MPP7: variants seen among roughly 807,000 people sequenced by gnomAD.
MPP7 encodes the protein MAGUK p55 subfamily member 7.
MPP7 carries 60 observed loss-of-function variants against 76.5 expected under a neutral mutation model. The observed-to-expected ratio is 0.78, with a 90% confidence interval of 0.64 to 0.97. The LOEUF (loss-of-function observed/expected upper bound fraction) is 0.97, where lower values mean the gene tolerates loss of function less well. MPP7 is among the 50% of genes least tolerant of loss of function. The pLI is 0.00. For missense variants in MPP7, 641 were observed against 694.0 expected (o/e 0.92, Z 0.86); for synonymous variants, 237 against 244.5 (o/e 0.97, Z 0.29).
chr10:28,226,029 T>C (rs1838676919), intron 2 of MPP7, among the ~76,000 whole-genome samples: 2 of 152,140 alleles, frequency 1.3e-5, no homozygotes, highest in African/African-American at 4.8e-5. Context: ...ATGCAGTATA[T>C]ACATACAATG....
At chr10:28,328,840 C>T (rs922280015) in intron 2 of MPP7, among the ~76,000 whole-genome samples, 4 of 152,142 alleles carry the variant, frequency 2.6e-5, no homozygotes, top group Admixed American at 6.5e-5. Context: ...ACATATTAAA[C>T]TTTTCTACAT....
intron 1 of MPP7, among the ~76,000 whole-genome samples, chr10:28,272,205 C>A (rs1289703025): frequency 6.6e-6 from 1 of 152,110 alleles, no homozygotes; most frequent in African/African-American, 2.4e-5. Context: ...CCATCTTCAG[C>A]CAAACTAAAA....
At position 28,053,997 on chromosome 10, in the gene MPP7, C is replaced by T; in HGVS notation, c.*68G>A. On this transcript the variant is annotated 3_prime_UTR_variant, in exon 17 of 17. Transcript: ENST00000683449. Reference sequence around the variant, plus strand: ...CAGTGATATAGATTTAAAAACCCTACTACCAAAACTGTAATTGATTTCATC... The same window carrying T: ...CAGTGATATAGATTTAAAAACCCTATTACCAAAACTGTAATTGATTTCATC... The T allele has an allele frequency of 1.6e-6, 2 of 1,216,324 alleles. No individual in the cohort carries two copies. The highest frequency in any genetic ancestry group is 1.3e-5 in the South Asian group (1 of 77,182). The allele number at this position is 1,216,324 out of a possible 1,614,324, so 75.3% of individuals were successfully genotyped here.
At chr10:28,112,904 G>C (rs7894841) in intron 11 of MPP7, among the ~76,000 whole-genome samples, 139,389 of 152,242 alleles carry the variant, frequency 0.92, 63,931 homozygotes, top group African/African-American at 0.97. Context: ...CATTGTGAAT[G>C]CAGGCTTAAC....
upstream of MPP7, among the ~76,000 whole-genome samples, chr10:28,335,135 C>T (rs1834505797): frequency 6.6e-6 from 1 of 152,248 alleles, no homozygotes; most frequent in African/African-American, 2.4e-5. Context: ...ACTGAACTCT[C>T]CACAGAGCTG....
intron 11 of MPP7, chr10:28,118,324 A>T: frequency 2.0e-6 from 2 of 978,224 alleles, no homozygotes; most frequent in Non-Finnish European, 2.4e-6. Flanking sequence ...ATTTTCAATC[A>T]ATGAAAATTT....
At chr10:28,282,977 C>T (rs571511832) in intron 1 of MPP7, among the ~76,000 whole-genome samples, 8 of 151,978 alleles carry the variant, frequency 5.3e-5, no homozygotes, top group Admixed American at 1.3e-4. Flanking sequence ...GTGTCAGTTG[C>T]GCACAGTGGA....
Position 28,233,274 on chromosome 10 carries a change from T to C in MPP7, c.37+5294A>G, listed in dbSNP as rs202105315. Among the ~76,000 whole-genome samples the C allele has an allele frequency of 9.8e-5, 15 of 152,308 alleles. No individual in the cohort carries two copies. In the East Asian group the frequency reaches 2.7e-3, roughly 27 times the overall value. The stretch of plus-strand genomic sequence containing the variant: ...TTGCTAAGGATTAGAGTTGAAAACA[T>C]CAATGAGAACTCATATTTAGTTTAG... On this transcript the variant is annotated intron_variant, in intron 2 of 16. Transcript: ENST00000683449.
At chr10:28,177,290 C>T (rs983590126) in intron 3 of MPP7, among the ~76,000 whole-genome samples, 9 of 147,182 alleles carry the variant, frequency 6.1e-5, no homozygotes, top group African/African-American at 2.3e-4. Flanking sequence ...AAAAATTAGC[C>T]AGGCATGGTG....
chr10:28,301,612 A>C (rs1015657139), intron 1 of MPP7, among the ~76,000 whole-genome samples: 1 of 152,194 alleles, frequency 6.6e-6, no homozygotes, highest in Non-Finnish European at 1.5e-5. Flanking sequence ...ATAGGTATAA[A>C]ATAAAGTAGG....
intron 2 of MPP7, among the ~76,000 whole-genome samples, chr10:28,212,721 C>T (rs1017436888): frequency 3.3e-5 from 5 of 152,130 alleles, no homozygotes; most frequent in African/African-American, 4.8e-5. Context: ...TGTAATCTCA[C>T]GTCCTAGAAA....
intron 13 of MPP7, 131 bp downstream of exon 13, chr10:28,069,641 C>T: frequency 1.9e-6 from 1 of 534,296 alleles, no homozygotes; most frequent in East Asian, 3.6e-5. Context: ...TCACATGCCC[C>T]ATAAATACAT....
intron 2 of MPP7, among the ~76,000 whole-genome samples, chr10:28,221,774 G>A (rs551266306): frequency 2.0e-5 from 3 of 152,166 alleles, no homozygotes; most frequent in Admixed American, 6.5e-5. Flanking sequence ...GTTCACTGGA[G>A]CTCCCTGGGC....
rs1293510881 is a variant in MPP7 at position 28,054,026 on chromosome 10, C to T, written c.*39G>A. ...CAAAACTGTAATTGATTTCATCATGCACTCTATAGAAAAAGACAATTATGG... is the reference window on the plus strand; with the variant it reads ...CAAAACTGTAATTGATTTCATCATGTACTCTATAGAAAAAGACAATTATGG... On this transcript the variant is annotated 3_prime_UTR_variant, in exon 17 of 17. Transcript: ENST00000683449. 1.4e-6 allele frequency: 2 copies of T among 1,472,782 alleles called. No homozygotes were observed. The highest frequency in any genetic ancestry group is 1.2e-5 in the South Asian group (1 of 86,004). 91.2% of individuals were successfully genotyped at this position (1,472,782 alleles called of 1,614,324 possible). A position where few individuals can be genotyped will look rare whatever the true frequency, so the allele number is the denominator to read the frequency against.
rs1050839212 is a variant in MPP7 at position 28,319,955 on chromosome 10, C to CAA, written c.-132+9972_-132+9973dup. Among the ~76,000 whole-genome samples, 5 of 90,848 alleles carry CAA rather than the reference C, an allele frequency of 5.5e-5. No individual in the cohort carries two copies. In the East Asian group the frequency reaches 1.5e-3, roughly 27 times the overall value. 59.6% of individuals were successfully genotyped at this position (90,848 alleles called of 152,430 possible). ...AGGACAACAGAGACAGACTCTCTCTCAAAAACAAAAAAAAATACATATTTT... is the reference window on the plus strand; with the variant it reads ...AGGACAACAGAGACAGACTCTCTCTCAAAAAAACAAAAAAAAATACATATTTT... On this transcript the variant is annotated intron_variant, in intron 2 of 11. Transcript: ENST00000441595.
intron 12 of MPP7, among the ~76,000 whole-genome samples, chr10:28,088,803 C>T (rs962709153): frequency 6.6e-6 from 1 of 152,160 alleles, no homozygotes; most frequent in Admixed American, 6.5e-5. Context: ...GTGAAGGGTG[C>T]ACAAGATAGA....
intron 2 of MPP7, among the ~76,000 whole-genome samples, chr10:28,218,948 G>C (rs773928044): frequency 9.9e-5 from 15 of 152,054 alleles, no homozygotes; most frequent in Non-Finnish European, 2.1e-4. Context: ...CACCTCCACA[G>C]CACTTTTTCA....
chr10:28,324,068 C>T (rs1249346), intron 2 of MPP7, among the ~76,000 whole-genome samples: 85,703 of 151,888 alleles, frequency 0.56, 25,911 homozygotes, highest in African/African-American at 0.8. Flanking sequence ...ATAGCTGTGA[C>T]GGTCTGTCTA....
chr10:28,102,890 C>T (rs4749307), intron 11 of MPP7, among the ~76,000 whole-genome samples: 50,605 of 152,058 alleles, frequency 0.33, 11,670 homozygotes, highest in East Asian at 0.83. Context: ...GATCAGCCAG[C>T]GTGACCCTTA....
Sources: gnomAD v4.1 joint callset for allele counts (sites outside exome capture counted in the v4.1 genomes callset) on GRCh38, gnomAD v4.1.1 for gene constraint, MANE v1.5 for transcripts, NCBI Gene and HGNC (gene_info 2026-07-23, HGNC 2026-07-21) for gene names.